ANKS1B: variants seen among roughly 807,000 people sequenced by gnomAD.
ANKS1B encodes ankyrin repeat and sterile alpha motif domain containing 1B, also known as ankyrin repeat and sterile alpha motif domain-containing protein 1B.
In ANKS1B, 36 loss-of-function variants were observed where a neutral mutation model predicts 148.3. That is an observed-to-expected ratio of 0.24 (90% CI 0.19 to 0.32). The LOEUF (loss-of-function observed/expected upper bound fraction) is 0.32, where lower values mean the gene tolerates loss of function less well. Among genes scored for constraint, ANKS1B ranks in the 10% least tolerant of loss-of-function variants. ANKS1B has a pLI of 1.00. For missense variants in ANKS1B, 1,157 were observed against 1,542.6 expected (o/e 0.75, Z 4.19); for synonymous variants, 542 against 560.8 (o/e 0.97, Z 0.47).
chr12:99,679,995 C>G (rs2098604853), intron 8 of ANKS1B, among the ~76,000 whole-genome samples: 1 of 152,184 alleles, frequency 6.6e-6, no homozygotes, highest in Admixed American at 6.5e-5. Flanking sequence ...CTCTGTGAGA[C>G]AGTTGAAAAA....
At chr12:99,774,659 T>C (rs2063488104) in intron 7 of ANKS1B, among the ~76,000 whole-genome samples, 1 of 152,080 alleles carries the variant, frequency 6.6e-6, no homozygotes, top group African/African-American at 2.4e-5. Flanking sequence ...GAAACCAGTA[T>C]CTTGGAGAGA....
At chr12:99,675,036 A>G (rs1399870598) in intron 8 of ANKS1B, among the ~76,000 whole-genome samples, 1 of 151,994 alleles carries the variant, frequency 6.6e-6, no homozygotes, top group Non-Finnish European at 1.5e-5. Flanking sequence ...TATAGCAATT[A>G]AAACTCAAAT....
intron 17 of ANKS1B, among the ~76,000 whole-genome samples, chr12:99,023,406 C>T (rs6538893): frequency 0.27 from 40,912 of 151,902 alleles, 5,840 homozygotes; most frequent in South Asian, 0.38. Flanking sequence ...GGGTATAAAT[C>T]CTTTGAAGAC....
intron 12 of ANKS1B, among the ~76,000 whole-genome samples, chr12:99,372,296 A>G (rs1191872549): frequency 2.0e-5 from 3 of 152,088 alleles, no homozygotes; most frequent in Admixed American, 6.6e-5. Context: ...AAGAAAAAAT[A>G]TGTCTTAAAA....
At position 99,354,251 on chromosome 12, in the gene ANKS1B, T is replaced by C. The variant is rs75446793; in HGVS notation, c.1756+45380A>G. On this transcript the variant is annotated intron_variant, in intron 12 of 26. Transcript: ENST00000683438. ...TCTGTTCATTAGAGACAACATGGGGTAGTGTGGCAAGTCTCATATACTAAT... is the reference window on the plus strand; with the variant it reads ...TCTGTTCATTAGAGACAACATGGGGCAGTGTGGCAAGTCTCATATACTAAT... Among the ~76,000 whole-genome samples, 933 of 151,956 alleles carry C rather than the reference T, an allele frequency of 6.1e-3. 24 individuals carry two copies. Among genetic ancestry groups the C allele is most frequent in the East Asian group, 0.017 (89 of 5,152 alleles).
intron 1 of ANKS1B, among the ~76,000 whole-genome samples, chr12:99,877,409 C>T (rs2092184514): frequency 6.6e-6 from 1 of 152,086 alleles, no homozygotes; most frequent in African/African-American, 2.4e-5. Context: ...TGCCCCTGTA[C>T]TCACCCCTTG....
At chr12:99,762,267 G>A (rs958854561) in intron 8 of ANKS1B, among the ~76,000 whole-genome samples, 9 of 151,956 alleles carry the variant, frequency 5.9e-5, no homozygotes, top group Non-Finnish European at 1.3e-4. Context: ...GAAGCCAGAG[G>A]CATCACATTT....
chr12:98,849,987 T>C (rs1205794778), intron 17 of ANKS1B, among the ~76,000 whole-genome samples: 1 of 152,244 alleles, frequency 6.6e-6, no homozygotes, highest in East Asian at 1.9e-4. Flanking sequence ...AGCTGGAGGA[T>C]CTAAATTGAT....
intron 12 of ANKS1B, among the ~76,000 whole-genome samples, chr12:99,262,530 T>A (rs865784537): frequency 2.0e-4 from 31 of 152,190 alleles, no homozygotes; most frequent in South Asian, 6.2e-4. Flanking sequence ...ATTCTAGTTA[T>A]TAGTAAAAGT....
chr12:99,706,555 C>T (rs943007361), intron 8 of ANKS1B: 3 of 152,020 alleles, frequency 2.0e-5, no homozygotes, highest in Non-Finnish European at 4.4e-5. Context: ...TGAAATTACC[C>T]CCAATTATCC....
chr12:98,897,453 C>A (rs1045843912), intron 17 of ANKS1B, among the ~76,000 whole-genome samples: 1 of 151,786 alleles, frequency 6.6e-6, no homozygotes, highest in Non-Finnish European at 1.5e-5. Flanking sequence ...AAGTGGCCAA[C>A]AAACACATGA....
exon 10 of ANKS1B, chr12:98,735,515 A>G (rs757066467): frequency 4.3e-6 from 3 of 692,254 alleles, no homozygotes; most frequent in East Asian, 2.5e-5. Flanking sequence ...AAATACATCA[A>G]CCTTTCTATT....
intron 12 of ANKS1B, among the ~76,000 whole-genome samples, chr12:99,377,048 GCC>G (rs1329707505): frequency 1.3e-5 from 2 of 149,304 alleles, no homozygotes; most frequent in African/African-American, 5.0e-5. Context: ...TCGCTCTGTC[GCC>G]AGGCTGAAGT....
chr12:99,472,513 T>C (rs1471290944), intron 10 of ANKS1B, among the ~76,000 whole-genome samples: 1 of 152,122 alleles, frequency 6.6e-6, no homozygotes, highest in African/African-American at 2.4e-5. Context: ...CAAAATAGTT[T>C]TGTTGTTGTA....
intron 14 of ANKS1B, among the ~76,000 whole-genome samples, chr12:99,219,428 C>A (rs1238295880): frequency 6.6e-6 from 1 of 152,046 alleles, no homozygotes; most frequent in East Asian, 1.9e-4. Flanking sequence ...TTGATAAGCA[C>A]CGACAAAGAA....
intron 17 of ANKS1B, among the ~76,000 whole-genome samples, chr12:98,961,142 T>C (rs2099870730): frequency 6.6e-6 from 1 of 152,142 alleles, no homozygotes; most frequent in Non-Finnish European, 1.5e-5. Flanking sequence ...GAGAAAGGTG[T>C]AAATATTCAA....
intron 10 of ANKS1B, among the ~76,000 whole-genome samples, chr12:99,492,010 C>T (rs773868312): frequency 2.0e-5 from 3 of 152,018 alleles, no homozygotes; most frequent in African/African-American, 7.2e-5. Context: ...ACTAGAGAAC[C>T]AAGGGCACCC....
At chr12:99,094,596 CCTAA>C (rs2055258960) in intron 15 of ANKS1B, among the ~76,000 whole-genome samples, 1 of 151,542 alleles carries the variant, frequency 6.6e-6, no homozygotes, top group Admixed American at 6.6e-5. Flanking sequence ...GAAGGAGCAG[CCTAA>C]CTGTGAGAAG....
chr12:99,186,928 C>T (rs535373850), intron 14 of ANKS1B, among the ~76,000 whole-genome samples: 19 of 151,406 alleles, frequency 1.3e-4, no homozygotes, highest in Non-Finnish European at 1.8e-4. Context: ...CAAATTCCTC[C>T]GAGCTAAAGG....
Sources: allele counts gnomAD v4.1 joint callset (sites outside exome capture counted in the v4.1 genomes callset), GRCh38; gene constraint gnomAD v4.1.1; transcripts MANE v1.5; gene names NCBI Gene and HGNC (gene_info 2026-07-23, HGNC 2026-07-21).